Variants in NAALADL2 observed in about 807,000 individuals in gnomAD.
NAALADL2 encodes the protein N-acetylated alpha-linked acidic dipeptidase like 2, also known as inactive N-acetylated-alpha-linked acidic dipeptidase-like protein 2.
Under a neutral mutation model 87.2 loss-of-function variants are expected in NAALADL2, and 76 were observed. The observed-to-expected ratio is 0.87, with a 90% CI of 0.72 to 1.05. NAALADL2 has a LOEUF of 1.05. NAALADL2 is among the 50% of genes least tolerant of loss of function. The pLI is 0.00. For missense variants in NAALADL2, 1,089 were observed against 945.8 expected, an observed-to-expected ratio of 1.15 and a Z score of -1.99; for synonymous variants, 354 against 331.0, an observed-to-expected ratio of 1.07 and a Z score of -0.75.
At chr3:175,238,678 T>C (rs574609600) in intron 3 of NAALADL2, among the ~76,000 whole-genome samples, 2 of 152,326 alleles carry the variant, frequency 1.3e-5, no homozygotes, top group South Asian at 4.1e-4. Flanking sequence ...ACATATTTTA[T>C]ATGCCTGTTT....
chr3:175,502,994 T>A lies in NAALADL2; in HGVS notation c.1653+31236T>A, dbSNP rs574549455. Among the ~76,000 whole-genome samples, 9 of 152,064 alleles carry A rather than the reference T, an allele frequency of 5.9e-5. No individual in the cohort carries two copies. The South Asian group carries it at 8.3e-4, about 14-fold the overall frequency. ...TAGGTTGTTTTATGAGTAAATTTCA[T>A]GTTGCAGGGGTTTGGTGTAGATTAT... On this transcript the variant is annotated intron_variant, in intron 9 of 13. Coordinates refer to ENST00000454872, the MANE Select transcript of NAALADL2 (RefSeq NM_207015.3).
chr3:174,639,899 G>A (rs973158949), intron 2 of NAALADL2, among the ~76,000 whole-genome samples: 4 of 152,008 alleles, frequency 2.6e-5, no homozygotes, highest in Admixed American at 2.6e-4. Flanking sequence ...ACTTAATCGA[G>A]TTTTTTTAAG....
intron 2 of NAALADL2, among the ~76,000 whole-genome samples, chr3:174,624,453 G>A (rs539556430): frequency 2.0e-5 from 3 of 151,998 alleles, no homozygotes; most frequent in Admixed American, 6.6e-5. Flanking sequence ...GTGAAACCCC[G>A]TCTCTATTAA....
intron 9 of NAALADL2, among the ~76,000 whole-genome samples, chr3:175,475,863 A>G (rs12631329): frequency 0.093 from 14,139 of 152,134 alleles, 835 homozygotes; most frequent in East Asian, 0.26. Flanking sequence ...TCCTATAGGC[A>G]TGCACCACCA....
At chr3:175,629,674 A>G (rs1394507294) in intron 11 of NAALADL2, among the ~76,000 whole-genome samples, 1 of 151,734 alleles carries the variant, frequency 6.6e-6, no homozygotes, top group Non-Finnish European at 1.5e-5. Flanking sequence ...ATTAAGAGGT[A>G]TAAACATATA....
rs142894460 is a variant in NAALADL2 at position 174,832,745 on chromosome 3, C to T, written c.-9+94999C>T. 5.8e-3 allele frequency among the ~76,000 whole-genome samples: 881 copies of T among 152,172 alleles called. 3 individuals carry two copies. The highest frequency in any genetic ancestry group is 7.2e-3 in the Non-Finnish European group (492 of 67,984). On this transcript the variant is annotated intron_variant, in intron 3 of 3. Transcript: ENST00000434257. Reference sequence around the variant, plus strand: ...CCTCCCAAAGTGCTGGGATTACAGGCGTGAGCCACTGCACCTGGCCAATAT... The same window carrying T: ...CCTCCCAAAGTGCTGGGATTACAGGTGTGAGCCACTGCACCTGGCCAATAT...
chr3:175,071,461 T>C (rs918729369), intron 1 of NAALADL2, among the ~76,000 whole-genome samples: 2 of 152,076 alleles, frequency 1.3e-5, no homozygotes, highest in African/African-American at 4.8e-5. Context: ...GTCAGTTGTG[T>C]GCATACAGTT....
intron 13 of NAALADL2, among the ~76,000 whole-genome samples, chr3:175,780,751 G>C (rs918871264): frequency 6.6e-6 from 1 of 152,118 alleles, no homozygotes; most frequent in African/African-American, 2.4e-5. Context: ...GAGTTGAATA[G>C]AAACATTTCA....
chr3:175,132,820 C>T (rs191664147), intron 2 of NAALADL2, among the ~76,000 whole-genome samples: 4,691 of 151,536 alleles, frequency 0.031, 93 homozygotes, highest in African/African-American at 0.043. Context: ...GGATGGCTGC[C>T]GGGCGGAGAT....
At chr3:174,991,021 C>T (rs535830257) in intron 1 of NAALADL2, among the ~76,000 whole-genome samples, 13 of 152,182 alleles carry the variant, frequency 8.5e-5, no homozygotes, top group Middle Eastern at 3.4e-3. Flanking sequence ...ATGCATTATA[C>T]GTAAATACCA....
chr3:174,568,087 C>T (rs1236017408), intron 2 of NAALADL2, among the ~76,000 whole-genome samples: 3 of 151,600 alleles, frequency 2.0e-5, no homozygotes, highest in Admixed American at 1.3e-4. Flanking sequence ...GTATTCATGT[C>T]GTTTGTGAGC....
intron 1 of NAALADL2, among the ~76,000 whole-genome samples, chr3:174,940,910 T>C (rs1738482550): frequency 1.3e-5 from 2 of 152,096 alleles, no homozygotes; most frequent in Admixed American, 1.3e-4. Context: ...TCTTCTTTAT[T>C]GGTCTAGCTA....
chr3:174,672,544 T>A (rs1215161466), intron 2 of NAALADL2, among the ~76,000 whole-genome samples: 1 of 152,074 alleles, frequency 6.6e-6, no homozygotes, highest in African/African-American at 2.4e-5. Context: ...ATCTATATGA[T>A]GATCATGATG....
intron 13 of NAALADL2, among the ~76,000 whole-genome samples, chr3:175,765,565 C>T (rs1182023039): frequency 6.6e-6 from 1 of 151,974 alleles, no homozygotes; most frequent in Non-Finnish European, 1.5e-5. Flanking sequence ...CTGCTGGTAT[C>T]AAAATAGAAA....
At chr3:174,724,704 A>G (rs1306737833) in intron 2 of NAALADL2, among the ~76,000 whole-genome samples, 3 of 152,192 alleles carry the variant, frequency 2.0e-5, no homozygotes, top group Admixed American at 6.5e-5. Flanking sequence ...GCTATCTGCA[A>G]CCATTGAATA....
intron 11 of NAALADL2, among the ~76,000 whole-genome samples, chr3:175,724,130 G>A (rs1742613716): frequency 6.6e-6 from 1 of 152,060 alleles, no homozygotes; most frequent in African/African-American, 2.4e-5. Flanking sequence ...ATCTCATCAA[G>A]ATAAATATCG....
Position 175,481,361 on chromosome 3 carries a change from GTGTGTA to G in NAALADL2, c.1653+9605_1653+9610del, listed in dbSNP as rs761741895. Among the ~76,000 whole-genome samples, 1,297 of 150,310 alleles carry G rather than the reference GTGTGTA, an allele frequency of 8.6e-3. 9 individuals carry two copies. The highest frequency in any genetic ancestry group is 0.024 in the African/African-American group (1,003 of 41,036). On this transcript the variant is annotated intron_variant, in intron 9 of 13. Transcript: ENST00000454872. ...TGTGTGTGTGTGTGTGTGTGTGTGT[GTGTGTA>G]TATAGCTGTGTCTACATACTCTTTT...
chr3:174,615,626 A>G (rs1720384509), intron 2 of NAALADL2, among the ~76,000 whole-genome samples: 1 of 152,090 alleles, frequency 6.6e-6, no homozygotes, highest in African/African-American at 2.4e-5. Context: ...TGATTATTTT[A>G]GCAAAGTTTA....
At chr3:175,738,146 A>G (rs761172998) in intron 12 of NAALADL2, among the ~76,000 whole-genome samples, 3 of 152,224 alleles carry the variant, frequency 2.0e-5, no homozygotes, top group Non-Finnish European at 4.4e-5. Context: ...CTACTTCTCA[A>G]TAAAAAAGTC....
Sources: allele counts gnomAD v4.1 joint callset (sites outside exome capture counted in the v4.1 genomes callset), GRCh38; gene constraint gnomAD v4.1.1; transcripts MANE v1.5; gene names NCBI Gene and HGNC (gene_info 2026-07-23, HGNC 2026-07-21).